ST3GAL4: variants seen among roughly 807,000 people sequenced by gnomAD.
The protein encoded by ST3GAL4 is ST3 beta-galactoside alpha-2,3-sialyltransferase 4, also known as CMP-N-acetylneuraminate-beta-galactosamide-alpha-2,3-sialyltransferase 4.
Under a neutral mutation model 42.6 loss-of-function variants are expected in ST3GAL4, and 24 were observed. The observed-to-expected ratio is 0.56, with a 90% CI of 0.41 to 0.79. The LOEUF (loss-of-function observed/expected upper bound fraction) is 0.79. ST3GAL4 is among the 30% of genes least tolerant of loss of function. The pLI is 0.00. For missense variants in ST3GAL4, 311 were observed against 430.8 expected, an observed-to-expected ratio of 0.72 and a Z score of 2.46; for synonymous variants, 135 against 163.2, an observed-to-expected ratio of 0.83 and a Z score of 1.32.
At chr11:126,371,902 A>G (rs1308176697) in intron 1 of ST3GAL4, among the ~76,000 whole-genome samples, 2 of 152,218 alleles carry the variant, frequency 1.3e-5, no homozygotes, top group Non-Finnish European at 2.9e-5. Context: ...ATGTGTGAGA[A>G]ACTATATTTG....
intron 1 of ST3GAL4, among the ~76,000 whole-genome samples, chr11:126,357,874 T>C (rs1294245167): frequency 1.3e-5 from 2 of 152,248 alleles, no homozygotes; most frequent in Non-Finnish European, 2.9e-5. Context: ...CTTCTCAGAA[T>C]GGCTCAAAGG....
chr11:126,387,536 T>A (rs1286372066), intron 1 of ST3GAL4, among the ~76,000 whole-genome samples: 2 of 151,960 alleles, frequency 1.3e-5, no homozygotes, highest in Non-Finnish European at 2.9e-5. Context: ...AACTAGCTGG[T>A]CATGGTGGTA....
At chr11:126,372,730 A>G (rs1322713887) in intron 1 of ST3GAL4, among the ~76,000 whole-genome samples, 3 of 152,082 alleles carry the variant, frequency 2.0e-5, no homozygotes, top group African/African-American at 7.2e-5. Flanking sequence ...TGGATTTTAT[A>G]CAGCAAAACT....
Position 126,378,201 on chromosome 11 carries a change from AT to A in ST3GAL4, c.-61+22360del, listed in dbSNP as rs1389770125. 6.6e-6 allele frequency among the ~76,000 whole-genome samples: 1 copy of A among 152,214 alleles called. No individual in the cohort carries two copies. Among genetic ancestry groups the A allele is most frequent in the Non-Finnish European group, 1.5e-5 (1 of 68,036 alleles). Reference sequence around the variant, plus strand: ...TTTACATACTTTGTTGCTGCATAAAATGAATAATTCGGTGTTATCGATAGAA... The same window carrying A: ...TTTACATACTTTGTTGCTGCATAAAAGAATAATTCGGTGTTATCGATAGAA... On this transcript the variant is annotated intron_variant, in intron 1 of 10. Transcript: ENST00000444328. This position sits in a 1 kb window ranked among gnomAD's most constrained non-coding sequence, Gnocchi z 5.3.
chr11:126,407,773 G>T, intron 6 of ST3GAL4, 139 bp downstream of exon 6: 1 of 981,140 alleles, frequency 1.0e-6, no homozygotes, highest in Non-Finnish European at 1.5e-6. Flanking sequence ...TGGTAGCCTA[G>T]CCTGGGCATC....
intron 1 of ST3GAL4, among the ~76,000 whole-genome samples, chr11:126,404,336 G>A (rs1027493387): frequency 3.3e-5 from 5 of 152,174 alleles, no homozygotes; most frequent in African/African-American, 1.2e-4. Context: ...AGGTGTGATC[G>A]TCCACGGTAA....
chr11:126,364,877 T>C (rs1952371332), intron 1 of ST3GAL4, among the ~76,000 whole-genome samples: 1 of 151,502 alleles, frequency 6.6e-6, no homozygotes, highest in African/African-American at 2.4e-5. Flanking sequence ...GACCAGACGT[T>C]CTCTCCTGAG....
intron 1 of ST3GAL4, among the ~76,000 whole-genome samples, chr11:126,403,655 C>G (rs183685436): frequency 6.6e-6 from 1 of 152,130 alleles, no homozygotes. Context: ...GAAGATGAAA[C>G]GCACCCTGGT....
rs1953579039 is a variant in ST3GAL4, at chr11:126,393,063, C to T, written c.-60-13033C>T. On this transcript the variant is annotated intron_variant, in intron 1 of 10. Coordinates refer to ENST00000444328, the MANE Select transcript of ST3GAL4 (RefSeq NM_001254757.2). This position sits in a 1 kb window ranked among gnomAD's most constrained non-coding sequence, Gnocchi z 5.9. The stretch of plus-strand genomic sequence containing the variant: ...TCAGGGGGTCCTCCTGTCTCAGCCT[C>T]CCAAGTATCTAGGACTACAGGTGTG... Among the ~76,000 whole-genome samples, 1 of 151,490 alleles carries T rather than the reference C, an allele frequency of 6.6e-6. No homozygotes were observed. Among genetic ancestry groups the T allele is most frequent in the Non-Finnish European group, 1.5e-5 (1 of 67,954 alleles).
rs754271468 is a variant in ST3GAL4 at position 126,373,504 on chromosome 11, C to G, written c.-61+17662C>G. ...AGCCTCTGCCCCTCCCAGGCAGACA[C>G]CAAGGTATGATTTTCAAGTGGTTGG... On this transcript the variant is annotated intron_variant, in intron 1 of 10. Coordinates refer to ENST00000444328, the MANE Select transcript of ST3GAL4 (RefSeq NM_001254757.2). This position sits in a 1 kb window ranked among gnomAD's most constrained non-coding sequence, Gnocchi z 5.5. 6.6e-6 allele frequency among the ~76,000 whole-genome samples: 1 copy of G among 152,142 alleles called. No individual in the cohort carries two copies. Among genetic ancestry groups the G allele is most frequent in the African/African-American group, 2.4e-5 (1 of 41,410 alleles).
rs1334209212 is a variant in ST3GAL4, at chr11:126,366,454, G to A, written c.-61+10612G>A. On this transcript the variant is annotated intron_variant, in intron 1 of 10. Transcript: ENST00000444328. The surrounding 1 kb of genome is among the most constrained non-coding windows in gnomAD (Gnocchi z 4.2). ...CCCGGGTGTCTGAGTAGGGACCAATGTGTTTGTGCTGGAGAAGCCTGTGTA... is the reference window on the plus strand; with the variant it reads ...CCCGGGTGTCTGAGTAGGGACCAATATGTTTGTGCTGGAGAAGCCTGTGTA... Among the ~76,000 whole-genome samples the A allele has an allele frequency of 5.3e-5, 8 of 152,128 alleles. No homozygotes were observed. Among genetic ancestry groups the A allele is most frequent in the African/African-American group, 9.7e-5 (4 of 41,424 alleles).
Position 126,379,029 on chromosome 11 carries a change from C to T in ST3GAL4, c.-61+23187C>T, listed in dbSNP as rs1202360736. Among the ~76,000 whole-genome samples, 2 of 152,166 alleles carry T rather than the reference C, an allele frequency of 1.3e-5. No homozygotes were observed. The highest frequency in any genetic ancestry group is 2.9e-5 in the Non-Finnish European group (2 of 68,030). On this transcript the variant is annotated intron_variant, in intron 1 of 10. Transcript: ENST00000444328. This position sits in a 1 kb window ranked among gnomAD's most constrained non-coding sequence, Gnocchi z 4.2. Reference sequence around the variant, plus strand: ...GACATCAATCGTAGTTGTAGGCCATCCCTTTGCCTCTGTTGCTTCTTCCAA... The same window carrying T: ...GACATCAATCGTAGTTGTAGGCCATTCCTTTGCCTCTGTTGCTTCTTCCAA...
chr11:126,407,738 C>A, intron 6 of ST3GAL4, 104 bp downstream of exon 6: 1 of 1,195,474 alleles, frequency 8.4e-7, no homozygotes, highest in Non-Finnish European at 1.2e-6. Flanking sequence ...CAGTCATGGA[C>A]TGGTACCATC....
intron 1 of ST3GAL4, among the ~76,000 whole-genome samples, chr11:126,387,328 T>C (rs1248408377): frequency 6.6e-6 from 1 of 152,208 alleles, no homozygotes; most frequent in African/African-American, 2.4e-5. Flanking sequence ...TTTTTTTTCT[T>C]CCTCCTTTTT....
intron 1 of ST3GAL4, among the ~76,000 whole-genome samples, chr11:126,387,945 A>G (rs547346004): frequency 6.6e-6 from 1 of 152,356 alleles, no homozygotes; most frequent in South Asian, 2.1e-4. Flanking sequence ...ATTAGACGAT[A>G]CCAGCACGCA....
intron 1 of ST3GAL4, among the ~76,000 whole-genome samples, chr11:126,377,909 G>A (rs539699349): frequency 5.9e-5 from 9 of 152,328 alleles, no homozygotes; most frequent in African/African-American, 1.9e-4. Context: ...ATAATTCGAA[G>A]TGTCAATTAA....
chr11:126,392,765 A>G lies in ST3GAL4; in HGVS notation c.-60-13331A>G, dbSNP rs919427206. 1.3e-5 allele frequency among the ~76,000 whole-genome samples: 2 copies of G among 152,120 alleles called. No individual in the cohort carries two copies. Among genetic ancestry groups the G allele is most frequent in the Non-Finnish European group, 2.9e-5 (2 of 68,020 alleles). ...GGGACAGTGTGGTTTAACTGCCACA[A>G]AGTTAATAAAGCAGCATGATGTGAC... On this transcript the variant is annotated intron_variant, in intron 1 of 10. Coordinates refer to ENST00000444328, the MANE Select transcript of ST3GAL4 (RefSeq NM_001254757.2). The surrounding 1 kb of genome is among the most constrained non-coding windows in gnomAD (Gnocchi z 5.8).
rs1217967626 is a variant in ST3GAL4 at position 126,408,194 on chromosome 11, G to GGT, written c.437+8_437+9dup. 2 of 1,614,122 alleles carry GGT rather than the reference G, an allele frequency of 1.2e-6. No individual in the cohort carries two copies. Among genetic ancestry groups the GGT allele is most frequent in the Non-Finnish European group, 1.7e-6 (2 of 1,179,966 alleles). Reference sequence around the variant, plus strand: ...ATCAACAAGTACGATGTGGTCATCAGGTGTGTGTGACTGTCTCTTCCTACT... The same window carrying GGT: ...ATCAACAAGTACGATGTGGTCATCAGGTGTGTGTGTGACTGTCTCTTCCTACT... On this transcript the variant is annotated frameshift_variant and splice_region_variant. Transcript: ENST00000444328. LOFTEE classifies it high-confidence loss of function.
chr11:126,389,502 A>G (rs1389742836), intron 1 of ST3GAL4, among the ~76,000 whole-genome samples: 2 of 152,226 alleles, frequency 1.3e-5, no homozygotes, highest in Non-Finnish European at 2.9e-5. Flanking sequence ...GTTTATACAC[A>G]TAAATAATGT....
Sources: allele counts gnomAD v4.1 joint callset (sites outside exome capture counted in the v4.1 genomes callset), GRCh38; gene constraint gnomAD v4.1.1; non-coding constraint Gnocchi (gnomAD v3.1); transcripts MANE v1.5; gene names NCBI Gene and HGNC (gene_info 2026-07-23, HGNC 2026-07-21).